DDX60: variants seen among roughly 807,000 people sequenced by gnomAD.
DDX60 encodes the protein DExD/H-box helicase 60, also known as probable ATP-dependent RNA helicase DDX60.
Under a neutral mutation model 212.8 loss-of-function variants are expected in DDX60, and 165 were observed. The observed-to-expected ratio is 0.78, with a 90% CI of 0.68 to 0.88. The LOEUF (loss-of-function observed/expected upper bound fraction) is 0.88. Among genes scored for constraint, DDX60 ranks in the 40% least tolerant of loss-of-function variants. The pLI, the probability that DDX60 is intolerant of heterozygous loss-of-function variation, is 0.00. For synonymous variants in DDX60, 703 were observed against 685.3 expected, an observed-to-expected ratio of 1.03 and a Z score of -0.40; for missense variants, 1,905 against 2,003.9, an observed-to-expected ratio of 0.95 and a Z score of 0.94.
At chr4:168,309,447 G>A (rs1737035893) in intron 3 of DDX60, among the ~76,000 whole-genome samples, 1 of 151,908 alleles carries the variant, frequency 6.6e-6, no homozygotes, top group Non-Finnish European at 1.5e-5. Context: ...TTTTTTTAAA[G>A]AAATGAGTGA....
chr4:168,245,786 G>A (rs911788951), intron 30 of DDX60, among the ~76,000 whole-genome samples: 1 of 152,098 alleles, frequency 6.6e-6, no homozygotes, highest in Non-Finnish European at 1.5e-5. Context: ...TTGAGGGATT[G>A]GATACAAAAT....
chr4:168,268,398 AATT>A (rs1206787622), intron 20 of DDX60, among the ~76,000 whole-genome samples: 2 of 152,148 alleles, frequency 1.3e-5, no homozygotes, highest in Non-Finnish European at 2.9e-5. Flanking sequence ...AAAGTAAAAA[AATT>A]ATTAGTAGTA....
At position 168,224,225 on chromosome 4, in the gene DDX60, AC is replaced by A; in HGVS notation, c.4824+17del. On this transcript the variant is annotated intron_variant, in intron 35 of 37. Coordinates refer to ENST00000393743, the MANE Select transcript of DDX60 (RefSeq NM_017631.6). ...TTTCTTAAACAGCTTTTATTAATAA[AC>A]CCCACTCTTCACTTACATGGTTTGG... 1.9e-6 allele frequency: 3 copies of A among 1,611,316 alleles called. No homozygotes were observed. The highest frequency in any genetic ancestry group is 2.5e-6 in the Non-Finnish European group (3 of 1,178,302).
At position 168,293,818 on chromosome 4, in the gene DDX60, G is replaced by C; in HGVS notation, c.851C>G (p.Pro284Arg). The change falls in exon 7 of 38, where the codon CCC becomes CGC. Residue 284 changes from proline to arginine, a missense_variant. Transcript: ENST00000393743. ...MYHRFLGNREPSSGQETEIQQ... is the reference protein window; with the variant it reads ...MYHRFLGNRERSSGQETEIQQ... Reference sequence around the variant, plus strand: ...GATCTCAGTTTCCTGACCAGAGGAGGGCTCTCTGTTTCCTAAAAAGCGATG... The same window carrying C: ...GATCTCAGTTTCCTGACCAGAGGAGCGCTCTCTGTTTCCTAAAAAGCGATG... 6.2e-7 allele frequency: 1 copy of C among 1,613,436 alleles called. No individual in the cohort carries two copies. Among genetic ancestry groups the C allele is most frequent in the South Asian group, 1.1e-5 (1 of 90,930 alleles).
upstream of DDX60, among the ~76,000 whole-genome samples, chr4:168,322,529 T>G (rs899937837): frequency 4.0e-5 from 6 of 151,326 alleles, no homozygotes; most frequent in African/African-American, 1.5e-4. Flanking sequence ...CTGCATTTTT[T>G]CAGCAGGTAA....
chr4:168,245,522 C>G (rs1733991106), intron 30 of DDX60, among the ~76,000 whole-genome samples: 1 of 152,104 alleles, frequency 6.6e-6, no homozygotes, highest in South Asian at 2.1e-4. Context: ...AAGATGTACT[C>G]CTCTTTATAG....
chr4:168,260,446 A>G (rs570903520), intron 25 of DDX60, among the ~76,000 whole-genome samples: 11 of 152,322 alleles, frequency 7.2e-5, no homozygotes, highest in African/African-American at 2.4e-4. Context: ...GGAACTTTGT[A>G]TAACACCCCT....
At chr4:168,288,633 T>G (rs1735965213) in intron 8 of DDX60, among the ~76,000 whole-genome samples, 1 of 152,252 alleles carries the variant, frequency 6.6e-6, no homozygotes, top group South Asian at 2.1e-4. Context: ...GAAATACTTC[T>G]GCTTTGAAAT....
At chr4:168,262,526 C>T (rs974733698) in intron 23 of DDX60, among the ~76,000 whole-genome samples, 157 bp downstream of exon 23, 2 of 149,028 alleles carry the variant, frequency 1.3e-5, no homozygotes, top group African/African-American at 4.9e-5. Context: ...CATTAAAAAA[C>T]AAACAGATAA....
chr4:168,248,067 T>A (rs1734081965), intron 29 of DDX60, 121 bp downstream of exon 29: 1 of 576,826 alleles, frequency 1.7e-6, no homozygotes, highest in African/African-American at 1.9e-5. Flanking sequence ...CAGGCAAGGA[T>A]GAATGTCCAG....
At chr4:168,250,804 T>G in intron 28 of DDX60, 150 bp downstream of exon 28, 2 of 632,532 alleles carry the variant, frequency 3.2e-6, no homozygotes, top group East Asian at 2.9e-5. Context: ...GTATTATAGG[T>G]ATGACCCATC....
chr4:168,300,704 A>C (rs1579073558), intron 6 of DDX60, among the ~76,000 whole-genome samples: 1 of 152,292 alleles, frequency 6.6e-6, no homozygotes, highest in East Asian at 1.9e-4. Context: ...GATGAAATAC[A>C]AACACTAACC....
chr4:168,285,538 T>C (rs1735788573), intron 10 of DDX60, 40 bp from the exon 11 acceptor site: 2 of 1,277,988 alleles, frequency 1.6e-6, no homozygotes, highest in South Asian at 2.6e-5. Flanking sequence ...AGGTCAAATG[T>C]AAAGCTTTCA....
the DDX60 span, among the ~76,000 whole-genome samples, chr4:168,325,191 C>A: frequency 1.4e-4 from 22 of 152,310 alleles, no homozygotes; most frequent in African/African-American, 5.3e-4. Context: ...CTGTTACCCA[C>A]TGTTACCATA....
intron 30 of DDX60, among the ~76,000 whole-genome samples, chr4:168,239,051 T>C (rs915170855): frequency 3.9e-5 from 6 of 152,100 alleles, no homozygotes; most frequent in Non-Finnish European, 7.4e-5. Flanking sequence ...TCCAAAGTGA[T>C]AAAATAGAAA....
rs367600213 is a variant in DDX60 at position 168,287,063 on chromosome 4, G to T, written c.1324C>A (p.Pro442Thr). 2.5e-6 allele frequency: 4 copies of T among 1,604,834 alleles called. No individual in the cohort carries two copies. The stretch of plus-strand genomic sequence containing the variant: ...AATTTATTACCTTTGATTGGTGATG[G>T]TTTCTTTTCAAGAAAACAAACTTTT... ...TTKVCFLEKKPSPIKDSSNEM... is the reference protein window; with the variant it reads ...TTKVCFLEKKTSPIKDSSNEM... Residue 442 changes from proline to threonine, a missense_variant, in exon 10 of 38, where the codon CCA becomes ACA. Physicochemically the swap from Pro to Thr is conservative, Grantham distance 38. Transcript: ENST00000393743.
At chr4:168,298,207 T>G (rs1180651565) in intron 6 of DDX60, among the ~76,000 whole-genome samples, 2 of 151,864 alleles carry the variant, frequency 1.3e-5, no homozygotes, top group Non-Finnish European at 2.9e-5. Context: ...GTAAAGAAAC[T>G]TAACAAACAC....
At position 168,293,812 on chromosome 4, in the gene DDX60, G is replaced by T; in HGVS notation, c.857C>A (p.Ser286Tyr). The T allele has an allele frequency of 1.2e-6, 2 of 1,613,474 alleles. No individual in the cohort carries two copies. The highest frequency in any genetic ancestry group is 1.7e-6 in the Non-Finnish European group (2 of 1,179,744). ...HRFLGNREPS[S>Y]GQETEIQQVN... is the part of the protein sequence containing the mutation. ...CTGTTGGATCTCAGTTTCCTGACCA[G>T]AGGAGGGCTCTCTGTTTCCTAAAAA... The change falls in exon 7 of 38, where the codon TCT becomes TAT. Residue 286 changes from serine (S) to tyrosine (Y), a missense_variant. Transcript: ENST00000393743.
intron 30 of DDX60, among the ~76,000 whole-genome samples, chr4:168,245,617 T>A (rs1234436216): frequency 6.6e-6 from 1 of 152,172 alleles, no homozygotes; most frequent in Non-Finnish European, 1.5e-5. Flanking sequence ...AGCCAACTCA[T>A]CAAAAGAATC....
Sources: allele counts gnomAD v4.1 joint callset (sites outside exome capture counted in the v4.1 genomes callset), GRCh38; gene constraint gnomAD v4.1.1; transcripts MANE v1.5; gene names NCBI Gene and HGNC (gene_info 2026-07-23, HGNC 2026-07-21).